The following PCF11 variants were observed in gnomAD, a reference collection of about 807,000 sequenced individuals.
PCF11 encodes pre-mRNA cleavage complex 2 protein Pcf11.
PCF11 carries 19 observed loss-of-function variants against 166.1 expected under a neutral mutation model. The observed-to-expected ratio is 0.11, with a 90% confidence interval of 0.08 to 0.17. The LOEUF is 0.17. Among genes scored for constraint, PCF11 ranks in the 10% least tolerant of loss-of-function variants. The pLI, the probability that PCF11 is intolerant of heterozygous loss-of-function variation, is 1.00. For synonymous variants in PCF11, 663 were observed against 644.1 expected, an observed-to-expected ratio of 1.03 and a Z score of -0.44; for missense variants, 1,565 against 1,855.5, an observed-to-expected ratio of 0.84 and a Z score of 2.88.
intron 7 of PCF11, 106 bp from the exon 8 acceptor site, chr11:83,168,322 G>A (rs934625538): frequency 1.8e-6 from 2 of 1,081,774 alleles, no homozygotes; most frequent in Non-Finnish European, 2.6e-6. Context: ...GGTCTCTCCT[G>A]CCCCTCTAAT....
At chr11:83,183,780 G>A (rs1044450585) in intron 15 of PCF11, among the ~76,000 whole-genome samples, 1 of 151,794 alleles carries the variant, frequency 6.6e-6, no homozygotes, top group Non-Finnish European at 1.5e-5. Context: ...GTGAGCCACC[G>A]TGCTCGGCCA....
At chr11:83,183,521 G>C (rs549104754) in intron 15 of PCF11, among the ~76,000 whole-genome samples, 59 of 151,918 alleles carry the variant, frequency 3.9e-4, no homozygotes, top group African/African-American at 1.4e-3. Flanking sequence ...ACAAAGTTTC[G>C]CTCTTGTTGC....
exon 5 of PCF11, chr11:83,166,307 A>G (rs1408715393): frequency 6.2e-7 from 1 of 1,613,734 alleles, no homozygotes. Context: ...AGGGGACAAA[A>G]CCAGGGAGAT....
rs148981691 is a variant in PCF11, at chr11:83,174,902, T to G, written c.3758-2183T>G. Among the ~76,000 whole-genome samples the G allele has an allele frequency of 1.4e-4, 22 of 152,352 alleles. No homozygotes were observed. In the East Asian group the frequency reaches 4.2e-3, roughly 29 times the overall value. ...TGAGTTAAATGTTACTGTAATTGAT[T>G]ATTGAAGTTGATCTCTTCATTCATG... On this transcript the variant is annotated intron_variant, in intron 9 of 15. Coordinates refer to ENST00000298281, the Ensembl canonical transcript of PCF11.
exon 5 of PCF11, chr11:83,165,680 T>C: frequency 1.2e-6 from 2 of 1,613,598 alleles, no homozygotes; most frequent in Non-Finnish European, 1.7e-6. Context: ...TTTCACAGAT[T>C]CCCCCTATGG....
At chr11:83,171,485 G>C (rs1218281456) in intron 8 of PCF11, among the ~76,000 whole-genome samples, 1 of 152,188 alleles carries the variant, frequency 6.6e-6, no homozygotes, top group African/African-American at 2.4e-5. Flanking sequence ...CTTGTGTAAA[G>C]TAACACAGCT....
At chr11:83,157,529 C>T in exon 1 of PCF11, 1 of 1,613,980 alleles carries the variant, frequency 6.2e-7, no homozygotes, top group Non-Finnish European at 8.5e-7. Context: ...AAGACCTGAC[C>T]TTCAATAGCA....
chr11:83,161,877 G>A (rs1195692282), intron 2 of PCF11, among the ~76,000 whole-genome samples: 1 of 152,142 alleles, frequency 6.6e-6, no homozygotes, highest in African/African-American at 2.4e-5. Context: ...CCTGTGATTG[G>A]TTCCTGAAAC....
intron 12 of PCF11, 102 bp from the exon 13 acceptor site, chr11:83,181,752 G>A (rs9888238): frequency 1.5e-6 from 1 of 683,748 alleles, no homozygotes. Context: ...GCATAATGTA[G>A]AAAATAGTAT....
intron 1 of PCF11, 92 bp from the exon 2 acceptor site, chr11:83,161,235 A>C: frequency 3.2e-6 from 3 of 933,492 alleles, no homozygotes; most frequent in Non-Finnish European, 4.8e-6. Flanking sequence ...CAACAAAAAT[A>C]GAGGTCTGTA....
intron 4 of PCF11, 64 bp downstream of exon 4, chr11:83,164,465 T>G (rs1860374910): frequency 3.4e-6 from 4 of 1,182,252 alleles, no homozygotes; most frequent in Non-Finnish European, 4.8e-6. Flanking sequence ...AAGTAATGTT[T>G]ATGTTTGAAT....
chr11:83,168,887 C>T, exon 8 of PCF11: 2 of 1,613,460 alleles, frequency 1.2e-6, no homozygotes, highest in Non-Finnish European at 1.7e-6. Flanking sequence ...TTTGAAGGTT[C>T]CCCTGGTCTG....
At chr11:83,166,179 A>G in exon 5 of PCF11, 1 of 1,606,530 alleles carries the variant, frequency 6.2e-7, no homozygotes, top group East Asian at 2.2e-5. Flanking sequence ...AACTGCAGAA[A>G]AAAAGGATAA....
At chr11:83,168,301 T>G (rs750336575) in intron 7 of PCF11, 127 bp from the exon 8 acceptor site, 3 of 889,618 alleles carry the variant, frequency 3.4e-6, no homozygotes, top group Non-Finnish European at 5.0e-6. Context: ...TATCTGCTGC[T>G]TTACGCTGTC....
chr11:83,172,450 TC>T (rs1375017433), intron 9 of PCF11, among the ~76,000 whole-genome samples: 1 of 152,140 alleles, frequency 6.6e-6, no homozygotes, highest in Non-Finnish European at 1.5e-5. Context: ...TGAGGCAGAA[TC>T]TTGCTCTCTT....
At chr11:83,170,800 T>C (rs1036432028) in intron 8 of PCF11, among the ~76,000 whole-genome samples, 2 of 152,144 alleles carry the variant, frequency 1.3e-5, no homozygotes, top group African/African-American at 4.8e-5. Flanking sequence ...AGTAGTAAGA[T>C]TGCATGGAAG....
intron 12 of PCF11, among the ~76,000 whole-genome samples, chr11:83,181,473 C>T (rs1208030592): frequency 3.4e-5 from 5 of 148,172 alleles, no homozygotes; most frequent in Non-Finnish European, 4.5e-5. Context: ...AGGCTTTGAC[C>T]CCTGGAATAT....
exon 16 of PCF11, chr11:83,186,439 G>A (rs1013766038): frequency 3.9e-5 from 6 of 152,244 alleles, no homozygotes; most frequent in Non-Finnish European, 8.8e-5. Flanking sequence ...GTCTCACTAC[G>A]TAGTCCAGGC....
chr11:83,171,102 A>G (rs1860673132), intron 8 of PCF11: 1 of 315,618 alleles, frequency 3.2e-6, no homozygotes, highest in Non-Finnish European at 6.2e-6. Flanking sequence ...TTCACATACC[A>G]GCAATATGTA....
Sources: allele counts gnomAD v4.1 joint callset (sites outside exome capture counted in the v4.1 genomes callset), GRCh38; gene constraint gnomAD v4.1.1; transcripts MANE v1.5; gene names NCBI Gene and HGNC (gene_info 2026-07-23, HGNC 2026-07-21).